RANBP2: variants seen among roughly 807,000 people sequenced by gnomAD.
The protein encoded by RANBP2 is E3 SUMO-protein ligase RanBP2.
RANBP2 carries 57 observed loss-of-function variants against 303.6 expected under a neutral mutation model. That is an observed-to-expected ratio of 0.19 (90% CI 0.15 to 0.23). The LOEUF is 0.23. Ranked by LOEUF, RANBP2 falls within the 10% of genes least tolerant of loss-of-function variation. The pLI, the probability that RANBP2 is intolerant of heterozygous loss-of-function variation, is 1.00. For synonymous variants in RANBP2, 1,167 were observed against 1,301.5 expected, an observed-to-expected ratio of 0.90 and a Z score of 2.23; for missense variants, 3,138 against 3,780.8, an observed-to-expected ratio of 0.83 and a Z score of 4.46.
At chr2:108,774,407 G>A (rs535530107) in intron 23 of RANBP2, among the ~76,000 whole-genome samples, 53 of 152,216 alleles carry the variant, frequency 3.5e-4, no homozygotes, top group African/African-American at 1.4e-4. Context: ...GCTGCAGTGC[G>A]CTATGATTGT....
At chr2:109,051,376 T>C in the RANBP2 span, among the ~76,000 whole-genome samples, 2 of 152,270 alleles carry the variant, frequency 1.3e-5, no homozygotes, top group Non-Finnish European at 2.9e-5. Context: ...TCCCAAACAG[T>C]TGATCAAAAT....
chr2:108,924,455 A>G, the RANBP2 span, among the ~76,000 whole-genome samples: 1 of 152,216 alleles, frequency 6.6e-6, no homozygotes, highest in Non-Finnish European at 1.5e-5. Flanking sequence ...CACTGTGAGT[A>G]GTCGATTAAA....
the RANBP2 span, among the ~76,000 whole-genome samples, chr2:108,930,530 G>A: frequency 6.6e-6 from 1 of 152,054 alleles, no homozygotes; most frequent in African/African-American, 2.4e-5. Context: ...CCTCATCAAC[G>A]CACTTGCCAA....
chr2:109,574,689 G>C, the RANBP2 span: 3 of 1,610,288 alleles, frequency 1.9e-6, no homozygotes, highest in Non-Finnish European at 2.5e-6. Context: ...GGTAGGTAAA[G>C]AGAGAACGCT....
the RANBP2 span, among the ~76,000 whole-genome samples, chr2:109,040,267 A>T: frequency 1.3e-5 from 2 of 152,136 alleles, no homozygotes; most frequent in African/African-American, 4.8e-5. Context: ...CTGTATATTC[A>T]TGATGTGTTT....
the RANBP2 span, among the ~76,000 whole-genome samples, chr2:109,391,383 T>C: frequency 2.6e-5 from 4 of 152,194 alleles, no homozygotes; most frequent in African/African-American, 9.6e-5. Context: ...TGCCATGTGC[T>C]GGAGGGATGC....
At chr2:109,687,962 G>A in the RANBP2 span, among the ~76,000 whole-genome samples, 2 of 152,056 alleles carry the variant, frequency 1.3e-5, no homozygotes, top group African/African-American at 2.4e-5. Context: ...GCCCAGGCTG[G>A]GTCAGGAGAT....
chr2:108,846,680 A>G, the RANBP2 span: 1 of 1,480,454 alleles, frequency 6.8e-7, no homozygotes, highest in Non-Finnish European at 9.2e-7. Context: ...GTGTCTCAAA[A>G]AAAAAGATAT....
chr2:108,733,832 C>G (rs892998561), intron 4 of RANBP2, among the ~76,000 whole-genome samples: 1 of 150,258 alleles, frequency 6.7e-6, no homozygotes, highest in African/African-American at 2.5e-5. Context: ...CACTGTTACA[C>G]CTTTCCTGTA....
chr2:109,630,512 A>C, the RANBP2 span, among the ~76,000 whole-genome samples: 1 of 152,090 alleles, frequency 6.6e-6, no homozygotes, highest in African/African-American at 2.4e-5. Flanking sequence ...AACCACCATA[A>C]AGGCCATGGC....
At chr2:109,151,466 T>G in the RANBP2 span, among the ~76,000 whole-genome samples, 1 of 152,278 alleles carries the variant, frequency 6.6e-6, no homozygotes, top group Non-Finnish European at 1.5e-5. Context: ...GCCACATATT[T>G]AATTTAAAAA....
chr2:108,733,646 T>G (rs943546215), intron 4 of RANBP2, among the ~76,000 whole-genome samples: 4 of 152,224 alleles, frequency 2.6e-5, no homozygotes, highest in African/African-American at 9.6e-5. Flanking sequence ...CAGATTTCTT[T>G]ACTCTCTTAG....
chr2:109,491,340 C>T, the RANBP2 span, among the ~76,000 whole-genome samples: 1 of 152,180 alleles, frequency 6.6e-6, no homozygotes, highest in Admixed American at 6.5e-5. Context: ...GCAGCTCTTC[C>T]CTCGCAAGCC....
the RANBP2 span, among the ~76,000 whole-genome samples, chr2:109,162,877 A>AT: frequency 4.0e-5 from 2 of 50,140 alleles, no homozygotes; most frequent in Non-Finnish European, 9.1e-5. Context: ...AGAGATGATT[A>AT]CCAAAAAAAC....
the RANBP2 span, among the ~76,000 whole-genome samples, chr2:109,638,336 T>G: frequency 6.6e-6 from 1 of 152,228 alleles, no homozygotes; most frequent in African/African-American, 2.4e-5. Flanking sequence ...ACGTTTGCTC[T>G]CTGAAAATAG....
chr2:109,553,891 A>C, the RANBP2 span, among the ~76,000 whole-genome samples: 1 of 152,158 alleles, frequency 6.6e-6, no homozygotes, highest in Non-Finnish European at 1.5e-5. Flanking sequence ...ACTTTCAAAA[A>C]TACAAGTGCT....
chr2:109,169,656 A>G, the RANBP2 span, among the ~76,000 whole-genome samples: 151 of 152,188 alleles, frequency 9.9e-4, no homozygotes, highest in African/African-American at 3.3e-3. Context: ...ATGTATTTGA[A>G]CATAGCATGT....
the RANBP2 span, among the ~76,000 whole-genome samples, chr2:109,541,712 T>C: frequency 6.6e-6 from 1 of 152,240 alleles, no homozygotes; most frequent in Non-Finnish European, 1.5e-5. Context: ...GAATGCCTCC[T>C]TCTTTCATAC....
the RANBP2 span, among the ~76,000 whole-genome samples, chr2:109,327,053 G>A: frequency 6.6e-6 from 1 of 152,300 alleles, no homozygotes; most frequent in African/African-American, 2.4e-5. Flanking sequence ...TTTGATAAAT[G>A]GAAGGTTTTT....
Sources: allele counts gnomAD v4.1 joint callset (sites outside exome capture counted in the v4.1 genomes callset), GRCh38; gene constraint gnomAD v4.1.1; transcripts MANE v1.5; gene names NCBI Gene and HGNC (gene_info 2026-07-23, HGNC 2026-07-21).